The following SLIT3 variants were observed in gnomAD, a reference collection of about 807,000 sequenced individuals.
The protein encoded by SLIT3 is slit guidance ligand 3.
A neutral mutation model predicts 184.0 loss-of-function variants in SLIT3; 68 were observed. That is an observed-to-expected ratio of 0.37 (90% CI 0.30 to 0.45). The LOEUF (loss-of-function observed/expected upper bound fraction) is 0.45, where lower values mean the gene tolerates loss of function less well. Among genes scored for constraint, SLIT3 ranks in the 20% least tolerant of loss-of-function variants. SLIT3 has a pLI of 1.00. For missense variants in SLIT3, 1,707 were observed against 2,026.0 expected, an observed-to-expected ratio of 0.84 and a Z score of 3.02; for synonymous variants, 831 against 828.6, an observed-to-expected ratio of 1.00 and a Z score of -0.05.
chr5:168,990,733 G>T (rs1755289301), intron 4 of SLIT3, among the ~76,000 whole-genome samples: 1 of 152,148 alleles, frequency 6.6e-6, no homozygotes. Context: ...GGGACCTCAG[G>T]CAGGTCCTGT....
At chr5:168,821,952 A>G (rs1757548961) in intron 7 of SLIT3, among the ~76,000 whole-genome samples, 1 of 152,182 alleles carries the variant, frequency 6.6e-6, no homozygotes, top group Non-Finnish European at 1.5e-5. Context: ...CTGAAGATAA[A>G]GTTGCTTTCT....
chr5:168,695,389 AC>A (rs1762027894), intron 28 of SLIT3, among the ~76,000 whole-genome samples: 2 of 152,162 alleles, frequency 1.3e-5, no homozygotes, highest in Admixed American at 1.3e-4. Flanking sequence ...GGTTAAACAA[AC>A]AGCTTTCTTT....
intron 4 of SLIT3, among the ~76,000 whole-genome samples, chr5:169,182,382 T>C (rs1258840818): frequency 6.6e-6 from 1 of 152,244 alleles, no homozygotes; most frequent in Non-Finnish European, 1.5e-5. Flanking sequence ...ACACTTTCAT[T>C]ACAGACCTCA....
At chr5:168,860,521 G>A (rs574557095) in intron 5 of SLIT3, among the ~76,000 whole-genome samples, 87 of 152,044 alleles carry the variant, frequency 5.7e-4, no homozygotes, top group Non-Finnish European at 1.1e-3. Flanking sequence ...TTGACATCTT[G>A]GTGGGGGAGG....
At chr5:168,830,554 G>T (rs1027581679) in intron 6 of SLIT3, among the ~76,000 whole-genome samples, 1 of 152,170 alleles carries the variant, frequency 6.6e-6, no homozygotes, top group East Asian at 1.9e-4. Context: ...TCCAGTAAAG[G>T]TATCTATGAT....
At chr5:169,133,615 G>T (rs994290971) in intron 4 of SLIT3, among the ~76,000 whole-genome samples, 1 of 152,204 alleles carries the variant, frequency 6.6e-6, no homozygotes, top group Non-Finnish European at 1.5e-5. Flanking sequence ...AAGGGGGAGG[G>T]AGAGGCAGAA....
At chr5:169,131,237 G>T (rs925401785) in intron 4 of SLIT3, among the ~76,000 whole-genome samples, 2 of 152,208 alleles carry the variant, frequency 1.3e-5, no homozygotes, top group Non-Finnish European at 1.5e-5. Context: ...TCTGTTTGGG[G>T]ATTACTGATT....
intron 12 of SLIT3, among the ~76,000 whole-genome samples, chr5:168,775,038 ATTT>A (rs34335250): frequency 2.2e-5 from 3 of 135,580 alleles, no homozygotes; most frequent in African/African-American, 5.5e-5. Context: ...CCACCACTGC[ATTT>A]TTTTTTTTTT....
chr5:169,170,842 AAGGGTGGTTTTT>A (rs1762795181), intron 4 of SLIT3, among the ~76,000 whole-genome samples: 1 of 152,224 alleles, frequency 6.6e-6, no homozygotes, highest in Non-Finnish European at 1.5e-5. Context: ...AAGGGAGAAC[AAGGGTGGTTTTT>A]CCAAATCCTT....
chr5:168,935,406 G>C (rs1287509355), intron 4 of SLIT3, among the ~76,000 whole-genome samples: 1 of 152,130 alleles, frequency 6.6e-6, no homozygotes, highest in Non-Finnish European at 1.5e-5. Flanking sequence ...GGGATGATTT[G>C]TTCCTATTGT....
chr5:168,801,393 C>T (rs1191799468), intron 9 of SLIT3, among the ~76,000 whole-genome samples: 1 of 152,152 alleles, frequency 6.6e-6, no homozygotes, highest in Non-Finnish European at 1.5e-5. Flanking sequence ...TGGCTGCCTC[C>T]CTATCTCAGA....
intron 4 of SLIT3, among the ~76,000 whole-genome samples, chr5:169,015,957 C>T (rs1756351783): frequency 1.4e-5 from 2 of 139,166 alleles, no homozygotes; most frequent in South Asian, 4.7e-4. Context: ...CACACACACA[C>T]ACACACACAC....
intron 4 of SLIT3, among the ~76,000 whole-genome samples, chr5:168,953,217 C>A (rs2113250745): frequency 6.6e-6 from 1 of 152,284 alleles, no homozygotes; most frequent in South Asian, 2.1e-4. Flanking sequence ...CAGTATAACC[C>A]AAATGGATGC....
Position 168,773,033 on chromosome 5 carries a change from TC to T in SLIT3, c.1296-90del, listed in dbSNP as rs1755613889. On this transcript the variant is annotated intron_variant, in intron 13 of 35. Transcript: ENST00000519560. ...CCTGCCTCGCGCTGGGCCCTGGCAA[TC>T]CACTGCAAGGACTGGCCTCCTGCCT... 5 of 1,359,288 alleles carry T rather than the reference TC, an allele frequency of 3.7e-6. 1 individual carries two copies. 84.2% of individuals were successfully genotyped at this position (1,359,288 alleles called of 1,614,324 possible). A position where few individuals can be genotyped will look rare whatever the true frequency, so the allele number is the denominator to read the frequency against.
intron 26 of SLIT3, among the ~76,000 whole-genome samples, chr5:168,705,859 G>C: frequency 6.6e-6 from 1 of 152,192 alleles, no homozygotes; most frequent in East Asian, 1.9e-4. Flanking sequence ...GCAAGAATCA[G>C]AATGTGAAAC....
chr5:169,042,951 A>G (rs1252760076), intron 4 of SLIT3, among the ~76,000 whole-genome samples: 1 of 152,230 alleles, frequency 6.6e-6, no homozygotes, highest in African/African-American at 2.4e-5. Context: ...TTCATTATCC[A>G]TAAAACAAAA....
intron 20 of SLIT3, among the ~76,000 whole-genome samples, chr5:168,746,795 G>A (rs1485088681): frequency 1.4e-5 from 1 of 73,308 alleles, no homozygotes; most frequent in Non-Finnish European, 2.8e-5. Flanking sequence ...GTGTGGTGGT[G>A]TGGGTGTGGC....
At chr5:169,143,507 T>C (rs757489767) in intron 4 of SLIT3, among the ~76,000 whole-genome samples, 1 of 152,238 alleles carries the variant, frequency 6.6e-6, no homozygotes, top group Non-Finnish European at 1.5e-5. Flanking sequence ...ATAAATAGTA[T>C]GTATGCATTG....
chr5:168,828,078 A>G (rs1229469203), intron 6 of SLIT3, among the ~76,000 whole-genome samples: 3 of 152,254 alleles, frequency 2.0e-5, no homozygotes, highest in Non-Finnish European at 4.4e-5. Flanking sequence ...CTGCTCGGAA[A>G]GAAGAGGGGT....
Sources: gnomAD v4.1 joint callset for allele counts (sites outside exome capture counted in the v4.1 genomes callset) on GRCh38, gnomAD v4.1.1 for gene constraint, MANE v1.5 for transcripts, NCBI Gene and HGNC (gene_info 2026-07-23, HGNC 2026-07-21) for gene names.